ADGRV1: variants seen among roughly 807,000 people sequenced by gnomAD.
The protein encoded by ADGRV1 is adhesion G protein-coupled receptor V1.
In ADGRV1, 359 loss-of-function variants were observed where a neutral mutation model predicts 596.2. The observed-to-expected ratio is 0.60, with a 90% CI of 0.55 to 0.66. The LOEUF (loss-of-function observed/expected upper bound fraction) is 0.66, where lower values mean the gene tolerates loss of function less well. Ranked by LOEUF, ADGRV1 falls within the 30% of genes least tolerant of loss-of-function variation. The pLI is 0.00. For missense variants in ADGRV1, 7,274 were observed against 7,575.6 expected (o/e 0.96, Z 1.48); for synonymous variants, 2,681 against 2,679.2 (o/e 1.00, Z -0.02).
chr5:90,883,227 A>G (rs76692579), intron 83 of ADGRV1, among the ~76,000 whole-genome samples: 1,784 of 152,252 alleles, frequency 0.012, 45 homozygotes, highest in African/African-American at 0.04. Context: ...AATACTAAAA[A>G]TTACATGTTC....
At chr5:91,106,447 G>C (rs1164336463) in intron 87 of ADGRV1, among the ~76,000 whole-genome samples, 3 of 151,918 alleles carry the variant, frequency 2.0e-5, no homozygotes, top group African/African-American at 7.3e-5. Flanking sequence ...AGTTATTTGA[G>C]GTCTTTTGTG....
intron 85 of ADGRV1, among the ~76,000 whole-genome samples, chr5:91,014,146 A>ACC (rs905536304): frequency 1.4e-5 from 2 of 145,164 alleles, no homozygotes; most frequent in Non-Finnish European, 3.0e-5. Flanking sequence ...CCACACACAC[A>ACC]CACACACACA....
At chr5:90,648,698 G>A (rs1168683884) in intron 17 of ADGRV1, among the ~76,000 whole-genome samples, 2 of 152,028 alleles carry the variant, frequency 1.3e-5, no homozygotes, top group Admixed American at 6.6e-5. Flanking sequence ...TTTCTATTCT[G>A]CTTCCTCTTT....
intron 1 of ADGRV1, among the ~76,000 whole-genome samples, chr5:90,581,802 C>A (rs1033643124): frequency 1.3e-5 from 2 of 152,168 alleles, no homozygotes; most frequent in African/African-American, 2.4e-5. Context: ...GCTCTAACTT[C>A]TTGATAAAGG....
intron 83 of ADGRV1, among the ~76,000 whole-genome samples, chr5:90,926,397 T>C (rs1774455973): frequency 6.7e-6 from 1 of 149,226 alleles, no homozygotes; most frequent in African/African-American, 2.5e-5. Context: ...CCATTTCTTC[T>C]AGATTTTCTA....
intron 25 of ADGRV1, among the ~76,000 whole-genome samples, chr5:90,678,535 G>C (rs1422082013): frequency 3.8e-4 from 56 of 149,030 alleles, no homozygotes; most frequent in Non-Finnish European, 5.9e-5. Context: ...CACATACTGG[G>C]CAATTTATAA....
At chr5:90,978,402 G>A (rs1286835763) in intron 84 of ADGRV1, among the ~76,000 whole-genome samples, 2 of 151,820 alleles carry the variant, frequency 1.3e-5, no homozygotes, top group Non-Finnish European at 2.9e-5. Context: ...GTCCTTCATT[G>A]GGAGTTCAGC....
intron 72 of ADGRV1, among the ~76,000 whole-genome samples, chr5:90,806,323 G>A (rs1581181739): frequency 6.6e-6 from 1 of 152,290 alleles, no homozygotes; most frequent in Non-Finnish European, 1.5e-5. Context: ...TGTGATAACT[G>A]CCTTGGATAC....
chr5:91,081,622 C>CA (rs1323443555), intron 86 of ADGRV1, among the ~76,000 whole-genome samples: 1 of 151,750 alleles, frequency 6.6e-6, no homozygotes, highest in East Asian at 1.9e-4. Flanking sequence ...CCCGTCTCTA[C>CA]AAAAAATACA....
rs1301844639 is a variant in ADGRV1, at chr5:90,829,109, A to C, written c.16534A>C (p.Lys5512Gln). The C allele has an allele frequency of 6.2e-7, 1 of 1,612,148 alleles. No individual in the cohort carries two copies. The highest frequency in any genetic ancestry group is 1.7e-5 in the Admixed American group (1 of 59,954). ...VGSRLAVAHK[K>Q]ATLISLQVAR... ...TTCTCGGCTGGCAGTGGCTCACAAG[A>C]AGGCCACTTTAATCAGTCTGCAGGT... Residue 5512 changes from lysine (K) to glutamine (Q), a missense_variant, in exon 77 of 90, where the codon AAG becomes CAG. By Grantham distance (53) the Lys-to-Gln change is moderately conservative (BLOSUM62 1). This residue lies in a region of ADGRV1 where 1,874 missense variants were observed against 1,970.2 expected (regional missense o/e 0.95). Coordinates refer to ENST00000405460, the MANE Select transcript of ADGRV1 (RefSeq NM_032119.4).
At chr5:90,951,253 T>G (rs1330384714) in intron 83 of ADGRV1, among the ~76,000 whole-genome samples, 2 of 152,210 alleles carry the variant, frequency 1.3e-5, no homozygotes, top group East Asian at 3.8e-4. Flanking sequence ...TAAGAATGCT[T>G]GTTTTCCAAA....
At chr5:90,650,654 G>A (rs1023392594) in intron 17 of ADGRV1, among the ~76,000 whole-genome samples, 17 of 152,114 alleles carry the variant, frequency 1.1e-4, no homozygotes, top group African/African-American at 3.9e-4. Flanking sequence ...TATTTTTCTA[G>A]GGCATGGAAT....
intron 89 of ADGRV1, among the ~76,000 whole-genome samples, chr5:91,154,493 C>T (rs539478689): frequency 6.6e-6 from 1 of 152,316 alleles, no homozygotes; most frequent in East Asian, 1.9e-4. Context: ...CATAGTTAAG[C>T]GGCGGCGCAA....
intron 83 of ADGRV1, among the ~76,000 whole-genome samples, chr5:90,945,989 A>C (rs1401363985): frequency 5.5e-5 from 3 of 54,174 alleles, no homozygotes; most frequent in African/African-American, 1.6e-4. Context: ...CTCAAAAAAA[A>C]GAAGGGAAGG....
intron 85 of ADGRV1, among the ~76,000 whole-genome samples, chr5:91,011,178 T>C (rs983457260): frequency 6.6e-6 from 1 of 151,956 alleles, no homozygotes; most frequent in Non-Finnish European, 1.5e-5. Context: ...ATAAAAATGT[T>C]GAGGACATAA....
intron 59 of ADGRV1, among the ~76,000 whole-genome samples, chr5:90,773,397 G>A (rs1757899189): frequency 6.6e-6 from 1 of 151,562 alleles, no homozygotes; most frequent in Admixed American, 6.6e-5. Flanking sequence ...ACCGAAGTAG[G>A]ACCAATTCAA....
chr5:90,635,283 C>A lies in ADGRV1; in HGVS notation c.2009C>A (p.Ala670Asp), dbSNP rs1178912799. Residue 670 changes from alanine (A) to aspartate (D), a missense_variant, in exon 10 of 90, where the codon GCT becomes GAT. Around this residue, in one of 5 missense-constraint regions of ADGRV1, gnomAD observed 1,715 missense variants for 1,708.8 expected, o/e 1.00. Coordinates refer to ENST00000405460, the MANE Select transcript of ADGRV1 (RefSeq NM_032119.4). ...IILHEPEDFA[A>D]EVVYIPLHRD... The stretch of plus-strand genomic sequence containing the variant: ...TTGCATGAACCAGAAGATTTTGCTG[C>A]TGAAGTGGTAAGTAGGCTCTTTCTT... The A allele has an allele frequency of 1.2e-6, 2 of 1,609,450 alleles. No homozygotes were observed. The highest frequency in any genetic ancestry group is 1.7e-6 in the Non-Finnish European group (2 of 1,177,922).
In ADGRV1 at chr5:90,896,983, T is replaced by A. The variant is rs1561910161; in HGVS notation, c.17856+33126T>A. On this transcript the variant is annotated intron_variant, in intron 83 of 89. Transcript: ENST00000405460. ...CATGAAGTCCCACAAAGCAATGACC[T>A]GTATGGACAGGTTAGGAAATTTGAA... Among the ~76,000 whole-genome samples, 4 of 152,180 alleles carry A rather than the reference T, an allele frequency of 2.6e-5. No individual in the cohort carries two copies. In the South Asian group the frequency reaches 6.2e-4, roughly 24 times the overall value.
At chr5:91,048,360 T>C (rs896317985) in intron 85 of ADGRV1, among the ~76,000 whole-genome samples, 4 of 152,366 alleles carry the variant, frequency 2.6e-5, no homozygotes, top group African/African-American at 7.2e-5. Flanking sequence ...CAGATAAATC[T>C]GTGCAACACT....
Sources: gnomAD v4.1 joint callset for allele counts (sites outside exome capture counted in the v4.1 genomes callset) on GRCh38, gnomAD v4.1.1 for gene constraint, gnomAD v4.1.1 regional missense constraint, MANE v1.5 for transcripts, NCBI Gene and HGNC (gene_info 2026-07-23, HGNC 2026-07-21) for gene names.